MGLL: variants seen among roughly 807,000 people sequenced by gnomAD.
MGLL encodes the protein monoglyceride lipase.
MGLL carries 7 observed loss-of-function variants against 29.1 expected under a neutral mutation model. The ratio of observed to expected loss-of-function variants is 0.24; its 90% CI spans 0.14 to 0.45. The LOEUF (loss-of-function observed/expected upper bound fraction) is 0.45, where lower values mean the gene tolerates loss of function less well. Ranked by LOEUF, MGLL falls within the 20% of genes least tolerant of loss-of-function variation. The pLI is 0.99. For synonymous variants in MGLL, 148 were observed against 168.3 expected (o/e 0.88, Z 0.93); for missense variants, 356 against 413.6 (o/e 0.86, Z 1.21).
chr3:127,701,426 G>A (rs1470503780), intron 6 of MGLL, among the ~76,000 whole-genome samples: 3 of 152,246 alleles, frequency 2.0e-5, no homozygotes, highest in African/African-American at 4.8e-5. Context: ...GAGGGCTCAC[G>A]GCATTGGGTC....
At chr3:127,778,067 C>G (rs778413454) in intron 3 of MGLL, among the ~76,000 whole-genome samples, 1 of 152,248 alleles carries the variant, frequency 6.6e-6, no homozygotes, top group Non-Finnish European at 1.5e-5. Flanking sequence ...CAGACTGCCA[C>G]AACCGCGGCG....
intron 6 of MGLL, among the ~76,000 whole-genome samples, chr3:127,704,817 G>A (rs1320939782): frequency 2.0e-5 from 3 of 152,112 alleles, no homozygotes; most frequent in Non-Finnish European, 2.9e-5. Context: ...TTCAACCATC[G>A]TGGAAGACAA....
intron 6 of MGLL, among the ~76,000 whole-genome samples, chr3:127,701,234 G>A (rs200740109): frequency 2.1e-3 from 133 of 61,966 alleles, no homozygotes; most frequent in African/African-American, 5.4e-3. Context: ...AAAAAAAAAA[G>A]CCACCACCAA....
At chr3:127,694,888 AGGGTCTG>A in intron 7 of MGLL, 80 bp downstream of exon 7, 1 of 1,351,016 alleles carries the variant, frequency 7.4e-7, no homozygotes, top group Non-Finnish European at 1.1e-6. Context: ...GTGGCCCTCG[AGGGTCTG>A]GGCAGATGTG....
chr3:127,821,706 G>A lies in MGLL; in HGVS notation c.143C>T (p.Thr48Ile), dbSNP rs1189419289. Residue 48 changes from threonine (T) to isoleucine (I), a missense_variant, in exon 2 of 8, where the codon ACA becomes ATA. Thr to Ile is a moderately conservative substitution (Grantham distance 89, BLOSUM62 -1). Transcript: ENST00000265052. ...QYLFCRYWKP[T>I]GTPKALIFVS... Reference sequence around the variant, plus strand: ...GGGGAAGACTTACTTGGGTGTGCCTGTGGGTTTCCAGTACCTGCAGAAGAG... The same window carrying A: ...GGGGAAGACTTACTTGGGTGTGCCTATGGGTTTCCAGTACCTGCAGAAGAG... 1.2e-6 allele frequency: 2 copies of A among 1,614,148 alleles called. No homozygotes were observed. Among genetic ancestry groups the A allele is most frequent in the Non-Finnish European group, 1.7e-6 (2 of 1,180,014 alleles).
chr3:127,749,398 G>A (rs1324006369), intron 3 of MGLL, among the ~76,000 whole-genome samples: 1 of 152,196 alleles, frequency 6.6e-6, no homozygotes, highest in Non-Finnish European at 1.5e-5. Context: ...TAAAGCAAAT[G>A]CTTCCCAGAG....
intron 2 of MGLL, among the ~76,000 whole-genome samples, chr3:127,815,303 G>A (rs769459453): frequency 3.3e-5 from 5 of 152,068 alleles, no homozygotes; most frequent in Non-Finnish European, 7.4e-5. Flanking sequence ...ACCGTGTTCC[G>A]AGCAAAGAAT....
At chr3:127,757,894 C>T (rs1477649600) in intron 3 of MGLL, among the ~76,000 whole-genome samples, 1 of 152,202 alleles carries the variant, frequency 6.6e-6, no homozygotes, top group East Asian at 1.9e-4. Flanking sequence ...ACTGGTGGGG[C>T]ACCTAGCACA....
intron 3 of MGLL, among the ~76,000 whole-genome samples, chr3:127,731,509 C>A (rs2076149442): frequency 1.3e-5 from 2 of 152,054 alleles, no homozygotes; most frequent in Admixed American, 1.3e-4. Flanking sequence ...ACAGTCCCAC[C>A]CCATCATGGA....
At chr3:127,699,838 T>C (rs1199794292) in intron 6 of MGLL, among the ~76,000 whole-genome samples, 2 of 152,088 alleles carry the variant, frequency 1.3e-5, no homozygotes, top group African/African-American at 4.8e-5. Flanking sequence ...GGCCCAGGGG[T>C]TACCGCCCTT....
At chr3:127,747,361 C>A (rs2076467602) in intron 3 of MGLL, among the ~76,000 whole-genome samples, 1 of 152,204 alleles carries the variant, frequency 6.6e-6, no homozygotes, top group South Asian at 2.1e-4. Flanking sequence ...AAACCCCCAG[C>A]CTTCTCCTGT....
At chr3:127,694,286 A>AATATATAT (rs869111063) in intron 7 of MGLL, among the ~76,000 whole-genome samples, 68 of 97,876 alleles carry the variant, frequency 6.9e-4, no homozygotes, top group East Asian at 2.5e-3. Flanking sequence ...AAAAAAAAAA[A>AATATATAT]ATATATATAT....
chr3:127,726,145 A>AAAGAAAGAAAGAAAGG (rs2076030168), intron 3 of MGLL, among the ~76,000 whole-genome samples: 2 of 26,634 alleles, frequency 7.5e-5, no homozygotes, highest in Non-Finnish European at 8.8e-5. Context: ...AGAAAGAAAG[A>AAAGAAAGAAAGAAAGG]AAGAAAGAAA....
At chr3:127,815,338 G>A (rs1030981248) in intron 2 of MGLL, among the ~76,000 whole-genome samples, 1 of 152,192 alleles carries the variant, frequency 6.6e-6, no homozygotes, top group Non-Finnish European at 1.5e-5. Flanking sequence ...TGCTGTGAAG[G>A]AGAATCCCAC....
At chr3:127,802,391 T>A (rs1035895960) in intron 2 of MGLL, among the ~76,000 whole-genome samples, 3 of 152,136 alleles carry the variant, frequency 2.0e-5, no homozygotes, top group African/African-American at 7.2e-5. Flanking sequence ...AAAACCGACA[T>A]CCTGCATTCC....
chr3:127,735,846 A>C, intron 3 of MGLL: 1 of 1,597,050 alleles, frequency 6.3e-7, no homozygotes, highest in Admixed American at 1.7e-5. Context: ...ATCCTTCTGA[A>C]TCTAGTCTGC....
chr3:127,767,316 C>T (rs1000107902), intron 3 of MGLL, among the ~76,000 whole-genome samples: 1 of 152,190 alleles, frequency 6.6e-6, no homozygotes. Context: ...CCCAGGGTCA[C>T]ATAAGCAGTC....
intron 3 of MGLL, among the ~76,000 whole-genome samples, chr3:127,757,812 C>T (rs1353324000): frequency 6.6e-6 from 1 of 152,172 alleles, no homozygotes; most frequent in Non-Finnish European, 1.5e-5. Flanking sequence ...ATGTGTTCAG[C>T]CACGTGTCAT....
At chr3:127,750,224 A>G (rs1366189785) in intron 3 of MGLL, among the ~76,000 whole-genome samples, 1 of 152,078 alleles carries the variant, frequency 6.6e-6, no homozygotes, top group African/African-American at 2.4e-5. Flanking sequence ...TGGTGTAATC[A>G]GGGCACCGTT....
Sources: allele counts gnomAD v4.1 joint callset (sites outside exome capture counted in the v4.1 genomes callset), GRCh38; gene constraint gnomAD v4.1.1; transcripts MANE v1.5; gene names NCBI Gene and HGNC (gene_info 2026-07-23, HGNC 2026-07-21).